SGCZ: variants seen among roughly 807,000 people sequenced by gnomAD.
The protein encoded by SGCZ is zeta-sarcoglycan.
In SGCZ, 40 loss-of-function variants were observed where a neutral mutation model predicts 41.3. That is an observed-to-expected ratio of 0.97 (90% CI 0.75 to 1.26). The LOEUF (loss-of-function observed/expected upper bound fraction) is 1.26. Among genes scored for constraint, SGCZ ranks in the 50% most tolerant of loss-of-function variants. The pLI is 0.00. For synonymous variants in SGCZ, 206 were observed against 137.5 expected, an observed-to-expected ratio of 1.50 and a Z score of -3.49; for missense variants, 552 against 369.8, an observed-to-expected ratio of 1.49 and a Z score of -4.04.
chr8:14,251,083 C>T (rs778755396), intron 3 of SGCZ, among the ~76,000 whole-genome samples: 2 of 152,042 alleles, frequency 1.3e-5, no homozygotes, highest in African/African-American at 4.8e-5. Context: ...CAAAAATTAG[C>T]CGGGTGCAGT....
intron 3 of SGCZ, among the ~76,000 whole-genome samples, chr8:14,291,366 C>T (rs1196806665): frequency 6.6e-6 from 1 of 151,914 alleles, no homozygotes; most frequent in Non-Finnish European, 1.5e-5. Flanking sequence ...ACCTTGACTT[C>T]ATCAATACAG....
intron 5 of SGCZ, among the ~76,000 whole-genome samples, chr8:14,150,336 A>T (rs1381763375): frequency 1.3e-5 from 2 of 152,210 alleles, no homozygotes; most frequent in African/African-American, 4.8e-5. Context: ...CTCTATAGGA[A>T]AATGTCTAAA....
At chr8:14,419,629 T>A (rs1443760451) in intron 2 of SGCZ, among the ~76,000 whole-genome samples, 1 of 152,018 alleles carries the variant, frequency 6.6e-6, no homozygotes, top group Admixed American at 6.6e-5. Flanking sequence ...ATTTCTTAAT[T>A]TAATGGCAAC....
At chr8:14,175,935 T>TA (rs1173999586) in intron 4 of SGCZ, among the ~76,000 whole-genome samples, 1 of 152,160 alleles carries the variant, frequency 6.6e-6, no homozygotes, top group Non-Finnish European at 1.5e-5. Flanking sequence ...TACCTGTAGT[T>TA]ACAAAGCATT....
intron 1 of SGCZ, among the ~76,000 whole-genome samples, chr8:14,747,595 A>T (rs73199247): frequency 6.6e-6 from 1 of 151,982 alleles, no homozygotes; most frequent in Non-Finnish European, 1.5e-5. Flanking sequence ...AATTTTTTTC[A>T]GATGAAAACC....
intron 2 of SGCZ, among the ~76,000 whole-genome samples, chr8:14,338,608 G>A (rs898987259): frequency 6.6e-6 from 1 of 152,108 alleles, no homozygotes; most frequent in East Asian, 1.9e-4. Flanking sequence ...ATTTTGTATT[G>A]AAATGCAATA....
chr8:14,091,215 T>A (rs887676749), intron 7 of SGCZ, among the ~76,000 whole-genome samples: 26 of 151,994 alleles, frequency 1.7e-4, no homozygotes, highest in African/African-American at 6.0e-4. Flanking sequence ...ATGTGCTACA[T>A]TTTTTTAATC....
intron 1 of SGCZ, among the ~76,000 whole-genome samples, chr8:14,578,393 C>T (rs1479152400): frequency 6.6e-6 from 1 of 152,200 alleles, no homozygotes; most frequent in Non-Finnish European, 1.5e-5. Flanking sequence ...CTCTCTTCCT[C>T]ACCCCTTTGC....
At chr8:14,937,741 G>A (rs2130815212) in intron 1 of SGCZ, among the ~76,000 whole-genome samples, 1 of 151,736 alleles carries the variant, frequency 6.6e-6, no homozygotes, top group African/African-American at 2.4e-5. Context: ...AAGTTTTTTT[G>A]TCAAATACAT....
chr8:15,174,819 A>T (rs1799949888), intron 1 of SGCZ, among the ~76,000 whole-genome samples: 1 of 152,178 alleles, frequency 6.6e-6, no homozygotes, highest in African/African-American at 2.4e-5. Context: ...TTAAACATTA[A>T]AATTATTGGC....
intron 1 of SGCZ, among the ~76,000 whole-genome samples, chr8:15,122,966 G>C (rs140474899): frequency 5.8e-4 from 89 of 152,250 alleles, no homozygotes; most frequent in African/African-American, 1.9e-3. Flanking sequence ...GTCATATTAA[G>C]TCAAGGTCTA....
intron 1 of SGCZ, among the ~76,000 whole-genome samples, chr8:15,015,895 G>A (rs1363172511): frequency 6.6e-6 from 1 of 151,734 alleles, no homozygotes; most frequent in Non-Finnish European, 1.5e-5. Flanking sequence ...ATTTTCTGCT[G>A]CTTCTGTTGC....
rs539813433 is a variant in SGCZ at position 14,524,185 on chromosome 8, G to A, written c.234+30547C>T. ...TGATCATCTGGGCTAGTATGTTATT[G>A]GCTACAAGGCTCTGTTTCAATTTTC... On this transcript the variant is annotated intron_variant, in intron 2 of 7. Coordinates refer to ENST00000382080, the MANE Select transcript of SGCZ (RefSeq NM_139167.4). 9.9e-5 allele frequency among the ~76,000 whole-genome samples: 15 copies of A among 151,450 alleles called. No individual in the cohort carries two copies. In the East Asian group the frequency reaches 2.7e-3, roughly 28 times the overall value.
chr8:14,910,116 G>A (rs1799239024), intron 1 of SGCZ, among the ~76,000 whole-genome samples: 1 of 152,018 alleles, frequency 6.6e-6, no homozygotes, highest in Non-Finnish European at 1.5e-5. Flanking sequence ...TATTTGAGAT[G>A]TTGCATTCTA....
intron 1 of SGCZ, among the ~76,000 whole-genome samples, chr8:14,558,946 C>G (rs1427430889): frequency 2.0e-5 from 3 of 151,892 alleles, no homozygotes; most frequent in African/African-American, 7.3e-5. Flanking sequence ...ATGATTAAAA[C>G]CCTCAACAAA....
intron 2 of SGCZ, among the ~76,000 whole-genome samples, chr8:14,508,668 T>C (rs1352233045): frequency 6.6e-6 from 1 of 152,198 alleles, no homozygotes. Context: ...AGAAGCACGA[T>C]ATGAAATAAA....
Position 14,758,368 on chromosome 8 carries a change from AT to A in SGCZ, c.40-203443del, listed in dbSNP as rs374520676. Reference sequence around the variant, plus strand: ...TTCCTCAATTCAGTCATTAATACTGATTTTTTTTTAACCAAGTCAGCTTCTT... The same window carrying A: ...TTCCTCAATTCAGTCATTAATACTGATTTTTTTTAACCAAGTCAGCTTCTT... On this transcript the variant is annotated intron_variant, in intron 1 of 7. Coordinates refer to ENST00000382080, the MANE Select transcript of SGCZ (RefSeq NM_139167.4). 5.1e-3 allele frequency among the ~76,000 whole-genome samples: 775 copies of A among 151,684 alleles called. 1 individual carries two copies. Among genetic ancestry groups the A allele is most frequent in the South Asian group, 0.014 (69 of 4,784 alleles).
intron 3 of SGCZ, among the ~76,000 whole-genome samples, chr8:14,288,504 G>C (rs750035705): frequency 2.0e-4 from 30 of 152,114 alleles, no homozygotes; most frequent in Middle Eastern, 3.4e-3. Context: ...GACTATAATG[G>C]ATATTTCATA....
chr8:14,308,739 G>T, intron 3 of SGCZ, among the ~76,000 whole-genome samples: 1 of 151,934 alleles, frequency 6.6e-6, no homozygotes, highest in South Asian at 2.1e-4. Flanking sequence ...TTATCTTTGT[G>T]CCGCGGTACC....
Sources: allele counts gnomAD v4.1 joint callset (sites outside exome capture counted in the v4.1 genomes callset), GRCh38; gene constraint gnomAD v4.1.1; transcripts MANE v1.5; gene names NCBI Gene and HGNC (gene_info 2026-07-23, HGNC 2026-07-21).